The following TAFA1 variants were observed in gnomAD, a reference collection of about 807,000 sequenced individuals.
TAFA1 encodes the protein TAFA chemokine like family member 1, also known as chemokine-like protein TAFA-1.
TAFA1 carries 4 observed loss-of-function variants against 18.5 expected under a neutral mutation model. That is an observed-to-expected ratio of 0.22 (90% CI 0.11 to 0.49). The LOEUF is 0.49. Among genes scored for constraint, TAFA1 ranks in the 20% least tolerant of loss-of-function variants. TAFA1 has a pLI of 0.98. For missense variants in TAFA1, 147 were observed against 169.0 expected, an observed-to-expected ratio of 0.87 and a Z score of 0.72; for synonymous variants, 56 against 55.2, an observed-to-expected ratio of 1.01 and a Z score of -0.06.
At chr3:68,429,154 G>A (rs1406179253) in intron 3 of TAFA1, among the ~76,000 whole-genome samples, 2 of 151,804 alleles carry the variant, frequency 1.3e-5, no homozygotes, top group African/African-American at 2.4e-5. Flanking sequence ...CTGGATATTT[G>A]CCTTGTTCTC....
chr3:68,465,030 C>T (rs536400784), intron 3 of TAFA1, among the ~76,000 whole-genome samples: 15 of 152,174 alleles, frequency 9.9e-5, no homozygotes, highest in South Asian at 6.2e-4. Context: ...AGTCCTAAAC[C>T]GTACAAAATA....
chr3:68,286,706 C>T (rs2068014699), intron 2 of TAFA1, among the ~76,000 whole-genome samples: 1 of 152,174 alleles, frequency 6.6e-6, no homozygotes, highest in African/African-American at 2.4e-5. Flanking sequence ...TTGCTGACAT[C>T]TTCCCGAGGC....
chr3:68,408,783 C>T (rs2070659063), intron 2 of TAFA1, among the ~76,000 whole-genome samples: 1 of 152,072 alleles, frequency 6.6e-6, no homozygotes, highest in Admixed American at 6.6e-5. Flanking sequence ...ACAACAAGCC[C>T]ATAATTCCAG....
chr3:68,137,223 T>C (rs2065619601), intron 2 of TAFA1, among the ~76,000 whole-genome samples: 1 of 152,114 alleles, frequency 6.6e-6, no homozygotes, highest in Admixed American at 6.6e-5. Flanking sequence ...CACTTCAAAC[T>C]ATTTCATATA....
At chr3:68,180,467 A>G (rs868820767) in intron 2 of TAFA1, among the ~76,000 whole-genome samples, 2 of 152,318 alleles carry the variant, frequency 1.3e-5, no homozygotes, top group East Asian at 3.9e-4. Context: ...TCACACCTGC[A>G]GGCAATTTTT....
intron 2 of TAFA1, among the ~76,000 whole-genome samples, chr3:68,414,785 G>C (rs2070779616): frequency 6.6e-6 from 1 of 152,140 alleles, no homozygotes; most frequent in South Asian, 2.1e-4. Flanking sequence ...GATCTGGCTT[G>C]TCTGTCATTG....
intron 4 of TAFA1, among the ~76,000 whole-genome samples, chr3:68,540,113 T>G (rs2073348114): frequency 6.6e-6 from 1 of 152,220 alleles, no homozygotes; most frequent in East Asian, 1.9e-4. Flanking sequence ...GTCTTTGTGA[T>G]GCAGAAGACA....
intron 3 of TAFA1, among the ~76,000 whole-genome samples, chr3:68,466,572 T>A (rs1275207102): frequency 1.3e-5 from 2 of 152,176 alleles, no homozygotes; most frequent in African/African-American, 2.4e-5. Flanking sequence ...CTTGAAACAC[T>A]GGGTCCCAGC....
chr3:68,321,685 G>T (rs77943642), intron 2 of TAFA1, among the ~76,000 whole-genome samples: 2,436 of 152,144 alleles, frequency 0.016, 61 homozygotes, highest in East Asian at 0.084. Flanking sequence ...TCCTGACCAT[G>T]TCCTTCTCTC....
chr3:68,436,307 T>C (rs554375673), intron 3 of TAFA1, among the ~76,000 whole-genome samples: 73 of 152,262 alleles, frequency 4.8e-4, no homozygotes, highest in African/African-American at 1.8e-3. Flanking sequence ...AGTATCTACC[T>C]TATATGATCT....
intron 3 of TAFA1, among the ~76,000 whole-genome samples, chr3:68,469,486 A>G (rs1397862914): frequency 1.3e-5 from 2 of 152,138 alleles, no homozygotes; most frequent in Non-Finnish European, 2.9e-5. Flanking sequence ...CATCCTGGCT[A>G]ACAAGGTGAA....
intron 2 of TAFA1, among the ~76,000 whole-genome samples, chr3:68,159,923 G>A (rs538966844): frequency 5.1e-4 from 78 of 152,248 alleles, no homozygotes; most frequent in Middle Eastern, 3.4e-3. Context: ...AAGGGAAGAA[G>A]GCTGTACTTC....
intron 2 of TAFA1, among the ~76,000 whole-genome samples, chr3:68,042,095 C>CT: frequency 6.6e-6 from 1 of 152,306 alleles, no homozygotes; most frequent in South Asian, 2.1e-4. Flanking sequence ...AATGAGCCTT[C>CT]TTTTTCTCAT....
At chr3:68,463,515 C>T (rs932826488) in intron 3 of TAFA1, among the ~76,000 whole-genome samples, 4 of 152,048 alleles carry the variant, frequency 2.6e-5, no homozygotes, top group Admixed American at 2.0e-4. Flanking sequence ...CAGGATCCGC[C>T]CCCACTTATC....
intron 2 of TAFA1, among the ~76,000 whole-genome samples, chr3:68,142,767 G>T (rs1364710742): frequency 6.6e-6 from 1 of 152,162 alleles, no homozygotes; most frequent in Non-Finnish European, 1.5e-5. Flanking sequence ...ATCTCTTTAA[G>T]ATATTCCTCT....
At chr3:68,351,165 G>T (rs1257557667) in intron 2 of TAFA1, among the ~76,000 whole-genome samples, 1 of 152,020 alleles carries the variant, frequency 6.6e-6, no homozygotes, top group Non-Finnish European at 1.5e-5. Flanking sequence ...AAATTCCTTG[G>T]GTGTTTCTAA....
At chr3:68,020,305 T>A (rs1323745698) in intron 2 of TAFA1, among the ~76,000 whole-genome samples, 1 of 152,044 alleles carries the variant, frequency 6.6e-6, no homozygotes, top group Admixed American at 6.6e-5. Flanking sequence ...CAGGGGAAAC[T>A]TGGTATACTA....
chr3:68,259,819 A>T (rs2067376454), intron 2 of TAFA1, among the ~76,000 whole-genome samples: 1 of 151,946 alleles, frequency 6.6e-6, no homozygotes, highest in African/African-American at 2.4e-5. Context: ...GTTGCTTATC[A>T]GCTTAAGGAG....
intron 2 of TAFA1, among the ~76,000 whole-genome samples, chr3:68,252,612 A>G (rs192216114): frequency 1.2e-4 from 18 of 152,230 alleles, no homozygotes; most frequent in Admixed American, 5.2e-4. Flanking sequence ...CTGTCTTATC[A>G]TTGCAGGCAC....
Sources: gnomAD v4.1 joint callset for allele counts (sites outside exome capture counted in the v4.1 genomes callset) on GRCh38, gnomAD v4.1.1 for gene constraint, MANE v1.5 for transcripts, NCBI Gene and HGNC (gene_info 2026-07-23, HGNC 2026-07-21) for gene names.